Variants in ZFP82 observed in about 807,000 individuals in gnomAD.
ZFP82 encodes the protein ZFP82 zinc finger protein.
In ZFP82, 30 loss-of-function variants were observed where a neutral mutation model predicts 54.0. The ratio of observed to expected loss-of-function variants is 0.56; its 90% CI spans 0.42 to 0.75. The LOEUF is 0.75. Ranked by LOEUF, ZFP82 falls within the 30% of genes least tolerant of loss-of-function variation. ZFP82 has a pLI of 0.00. For missense variants in ZFP82, 500 were observed against 636.8 expected (o/e 0.79, Z 2.31); for synonymous variants, 194 against 209.5 (o/e 0.93, Z 0.64).
chr19:36,414,439 C>T (rs2032634176), intron 1 of ZFP82, among the ~76,000 whole-genome samples: 2 of 150,278 alleles, frequency 1.3e-5, no homozygotes, highest in Admixed American at 1.3e-4. Flanking sequence ...TCTCAGCTCA[C>T]TGCAATCTCT....
intron 1 of ZFP82, among the ~76,000 whole-genome samples, chr19:36,415,389 A>G (rs1276436672): frequency 2.6e-5 from 4 of 150,964 alleles, no homozygotes; most frequent in African/African-American, 9.7e-5. Context: ...TTAAACCAGG[A>G]CTTTCTTTTT....
rs2032220123 is a variant in ZFP82, at chr19:36,392,662, C to T, written c.*79G>A. 2.4e-6 allele frequency: 3 copies of T among 1,262,940 alleles called. No homozygotes were observed. Among genetic ancestry groups the T allele is most frequent in the African/African-American group, 1.5e-5 (1 of 66,750 alleles). The allele number at this position is 1,262,940 out of a possible 1,614,324, so 78.2% of individuals were successfully genotyped here. A position where few individuals can be genotyped will look rare whatever the true frequency, so the allele number is the denominator to read the frequency against. ...TGGTATAAAACCTCTAATGCCAACG[C>T]AGTTGCATGTATGGAGCAAAATAGA... On this transcript the variant is annotated 3_prime_UTR_variant, in exon 5 of 5. Coordinates refer to ENST00000392161, the MANE Select transcript of ZFP82 (RefSeq NM_133466.4).
chr19:36,407,239 G>A (rs188227129), intron 3 of ZFP82, among the ~76,000 whole-genome samples: 2,600 of 151,240 alleles, frequency 0.017, 43 homozygotes, highest in African/African-American at 0.058. Flanking sequence ...ACTACGCCCG[G>A]CTAATTTTTT....
chr19:36,405,759 C>T, intron 3 of ZFP82, 87 bp from the exon 4 acceptor site: 1 of 898,198 alleles, frequency 1.1e-6, no homozygotes, highest in Non-Finnish European at 1.6e-6. Context: ...AAGTATATGT[C>T]AAAACAGTAA....
chr19:36,391,044 AG>A lies in ZFP82; in HGVS notation c.*1696del, dbSNP rs1165302343. The A allele has an allele frequency of 1.3e-5, 2 of 152,366 alleles. No individual in the cohort carries two copies. Among genetic ancestry groups the A allele is most frequent in the Non-Finnish European group, 2.9e-5 (2 of 68,160 alleles). The allele number at this position is 152,366 out of a possible 1,614,324, so 9.4% of individuals were successfully genotyped here. ...CGGCCTCCCAAAGTGCTGGGATTAC[AG>A]GCTTGAGCCACCGCGCCTGGCCTCC... is the stretch of plus-strand genomic sequence containing the variant. On this transcript the variant is annotated 3_prime_UTR_variant, in exon 5 of 5. Transcript: ENST00000392161.
chr19:36,417,015 G>A (rs1343946784), intron 1 of ZFP82, among the ~76,000 whole-genome samples: 5 of 103,976 alleles, frequency 4.8e-5, no homozygotes, highest in African/African-American at 1.5e-4. Context: ...GGAGGTTGCA[G>A]TGAGCTGAGA....
intron 1 of ZFP82, among the ~76,000 whole-genome samples, chr19:36,410,475 TTTGTTGTTGTTG>T (rs1018489672): frequency 2.0e-5 from 3 of 149,564 alleles, no homozygotes; most frequent in Non-Finnish European, 4.5e-5. Flanking sequence ...ATATATATAT[TTTGTTGTTGTTG>T]TTGCTGTTGT....
At chr19:36,414,061 C>T (rs534388791) in intron 1 of ZFP82, among the ~76,000 whole-genome samples, 5 of 151,928 alleles carry the variant, frequency 3.3e-5, no homozygotes, top group East Asian at 1.9e-4. Flanking sequence ...CCACCACGCC[C>T]GGCTAATTTT....
At chr19:36,406,471 C>T (rs946143725) in intron 3 of ZFP82, among the ~76,000 whole-genome samples, 1 of 152,192 alleles carries the variant, frequency 6.6e-6, no homozygotes. Context: ...CTTTTCTGGG[C>T]ATTTCATATA....
chr19:36,418,021 T>C (rs1412966844), intron 1 of ZFP82, among the ~76,000 whole-genome samples: 1 of 152,080 alleles, frequency 6.6e-6, no homozygotes, highest in African/African-American at 2.4e-5. Flanking sequence ...GCTCAAGCCA[T>C]CCTCCCGCCT....
rs200039852 is a variant in ZFP82, at chr19:36,390,116, C to T, written c.*2625G>A. On this transcript the variant is annotated 3_prime_UTR_variant, in exon 5 of 5. Coordinates refer to ENST00000392161, the MANE Select transcript of ZFP82 (RefSeq NM_133466.4). ...CCTGATACACCCAGGTGCTTCTTTA[C>T]GTGACCCTGCATGCCATGCCATGCC... 1.3e-5 allele frequency among the ~76,000 whole-genome samples: 2 copies of T among 152,128 alleles called. No individual in the cohort carries two copies. Among genetic ancestry groups the T allele is most frequent in the East Asian group, 1.9e-4 (1 of 5,194 alleles).
chr19:36,400,498 T>G (rs2032365231), intron 4 of ZFP82, among the ~76,000 whole-genome samples: 1 of 152,244 alleles, frequency 6.6e-6, no homozygotes, highest in African/African-American at 2.4e-5. Flanking sequence ...GCTAATAATA[T>G]TCCATTGATG....
At position 36,393,259 on chromosome 19, in the gene ZFP82, T is replaced by C; in HGVS notation, c.1081A>G (p.Thr361Ala). The change falls in exon 5 of 5, where the codon ACT becomes GCT. Residue 361 changes from threonine (T) to alanine (A), a missense_variant. Thr to Ala is a moderately conservative substitution (Grantham distance 58, BLOSUM62 0). Coordinates refer to ENST00000392161, the MANE Select transcript of ZFP82 (RefSeq NM_133466.4). ...QQLTLHQRIH[T>A]GEKPYECKEC... is the part of the protein sequence containing the mutation. ...TTACATTCATAGGGTTTCTCACCAG[T>C]ATGAATTCTCTGATGGAGTGTTAGT... 6.2e-7 allele frequency: 1 copy of C among 1,613,862 alleles called. No individual in the cohort carries two copies.
chr19:36,406,857 G>A (rs945340819), intron 3 of ZFP82, among the ~76,000 whole-genome samples: 1 of 152,020 alleles, frequency 6.6e-6, no homozygotes. Context: ...GCTACAATGT[G>A]ATGTTTTGAT....
At position 36,391,058 on chromosome 19, in the gene ZFP82, G is replaced by C. The variant is rs535970289; in HGVS notation, c.*1683C>G. 6.6e-6 allele frequency: 1 copy of C among 152,330 alleles called. No homozygotes were observed. Among genetic ancestry groups the C allele is most frequent in the African/African-American group, 2.4e-5 (1 of 41,536 alleles). 9.4% of individuals were successfully genotyped at this position (152,330 alleles called of 1,614,324 possible). On this transcript the variant is annotated 3_prime_UTR_variant, in exon 5 of 5. Transcript: ENST00000392161. ...GCTGGGATTACAGGCTTGAGCCACC[G>C]CGCCTGGCCTCCTTTGACCTTTTAA...
At chr19:36,402,803 C>T (rs2032410716) in intron 4 of ZFP82, among the ~76,000 whole-genome samples, 1 of 151,328 alleles carries the variant, frequency 6.6e-6, no homozygotes, top group Non-Finnish European at 1.5e-5. Context: ...AGACCAGCCT[C>T]AGCAGCATGG....
In ZFP82 at chr19:36,393,074, A is replaced by G; in HGVS notation, c.1266T>C (p.Tyr422=). ...AGGCCTTCCCGCATTCCTTACAGTC[A>G]TAGGGCTTAACACCAATATGAATAC... The part of the protein sequence containing the change: ...HQSIHIGVKP[Y]DCKECGKAFR... Residue 422 remains tyrosine (Y), a synonymous_variant, in exon 5 of 5, where the codon TAT becomes TAC. Coordinates refer to ENST00000392161, the MANE Select transcript of ZFP82 (RefSeq NM_133466.4). 1 of 1,614,146 alleles carries G rather than the reference A, an allele frequency of 6.2e-7. No individual in the cohort carries two copies. The highest frequency in any genetic ancestry group is 8.5e-7 in the Non-Finnish European group (1 of 1,180,022).
intron 4 of ZFP82, among the ~76,000 whole-genome samples, chr19:36,401,149 G>A (rs1024660964): frequency 1.1e-4 from 17 of 151,556 alleles, no homozygotes; most frequent in African/African-American, 4.1e-4. Context: ...TCTACAGGGT[G>A]GAGTGACCCA....
At chr19:36,385,408 C>T (rs1377064666), downstream of ZFP82, among the ~76,000 whole-genome samples, 1 of 152,252 alleles carries the variant, frequency 6.6e-6, no homozygotes, top group South Asian at 2.1e-4. Flanking sequence ...ACAAAACAGA[C>T]TAAGACAGAA....
Sources: allele counts gnomAD v4.1 joint callset (sites outside exome capture counted in the v4.1 genomes callset), GRCh38; gene constraint gnomAD v4.1.1; transcripts MANE v1.5; gene names NCBI Gene and HGNC (gene_info 2026-07-23, HGNC 2026-07-21).